GALNTL6: variants seen among roughly 807,000 people sequenced by gnomAD.
The protein encoded by GALNTL6 is polypeptide N-acetylgalactosaminyltransferase like 6, also known as polypeptide N-acetylgalactosaminyltransferase-like 6.
Under a neutral mutation model 73.7 loss-of-function variants are expected in GALNTL6, and 46 were observed. The observed-to-expected ratio is 0.62, with a 90% confidence interval of 0.49 to 0.80. The LOEUF (loss-of-function observed/expected upper bound fraction) is 0.80, where lower values mean the gene tolerates loss of function less well. Among genes scored for constraint, GALNTL6 ranks in the 30% least tolerant of loss-of-function variants. The pLI, the probability that GALNTL6 is intolerant of heterozygous loss-of-function variation, is 0.00. For synonymous variants in GALNTL6, 259 were observed against 263.7 expected (o/e 0.98, Z 0.17); for missense variants, 604 against 755.0 (o/e 0.80, Z 2.34).
intron 2 of GALNTL6, among the ~76,000 whole-genome samples, chr4:171,859,343 C>T (rs1200581522): frequency 6.6e-6 from 1 of 151,992 alleles, no homozygotes; most frequent in Non-Finnish European, 1.5e-5. Flanking sequence ...TTTTTGAACT[C>T]CCAATGATAT....
intron 5 of GALNTL6, among the ~76,000 whole-genome samples, chr4:172,523,355 G>T (rs1734848022): frequency 6.6e-6 from 1 of 151,888 alleles, no homozygotes; most frequent in African/African-American, 2.4e-5. Context: ...TACATTTTTA[G>T]CACTTTATTT....
intron 2 of GALNTL6, among the ~76,000 whole-genome samples, chr4:172,151,619 G>C (rs1734089028): frequency 6.6e-6 from 1 of 152,142 alleles, no homozygotes; most frequent in Non-Finnish European, 1.5e-5. Context: ...ATAGGGACTT[G>C]AAACAATTCA....
chr4:171,814,646 G>T lies in GALNTL6; in HGVS notation c.66G>T (p.Leu22=). ...TGTTCACGGTGGCTTTAATTTTCCT[G>T]CCTAACGTTGGTCTCTGGTCTCTGT... The part of the protein sequence containing the change: ...TLLFTVALIF[L]PNVGLWSLYK... Residue 22 remains leucine, a synonymous_variant, in exon 2 of 13, where the codon CTG becomes CTT. Transcript: ENST00000506823. 1 of 1,614,078 alleles carries T rather than the reference G, an allele frequency of 6.2e-7. No individual in the cohort carries two copies. The highest frequency in any genetic ancestry group is 8.5e-7 in the Non-Finnish European group (1 of 1,179,992).
At chr4:172,536,983 C>A (rs1407216848) in intron 5 of GALNTL6, among the ~76,000 whole-genome samples, 1 of 152,116 alleles carries the variant, frequency 6.6e-6, no homozygotes, top group Admixed American at 6.6e-5. Context: ...GGACTTGTAG[C>A]CCCTTTGTTT....
chr4:172,638,910 T>C (rs1279292014), intron 5 of GALNTL6, among the ~76,000 whole-genome samples: 1 of 152,142 alleles, frequency 6.6e-6, no homozygotes, highest in African/African-American at 2.4e-5. Flanking sequence ...TTGTCAAATG[T>C]CCTTCAATTG....
At chr4:172,055,248 T>G (rs1272505936) in intron 2 of GALNTL6, among the ~76,000 whole-genome samples, 1 of 152,114 alleles carries the variant, frequency 6.6e-6, no homozygotes, top group Non-Finnish European at 1.5e-5. Context: ...CTTTCAGATG[T>G]AGGCAGAAAG....
intron 7 of GALNTL6, among the ~76,000 whole-genome samples, chr4:172,830,979 G>A (rs977806036): frequency 5.3e-5 from 8 of 151,950 alleles, no homozygotes; most frequent in African/African-American, 1.5e-4. Context: ...GACCGACATG[G>A]TGAAACCCTG....
intron 5 of GALNTL6, among the ~76,000 whole-genome samples, chr4:172,519,986 G>A (rs1734724816): frequency 6.6e-6 from 1 of 151,674 alleles, no homozygotes; most frequent in Admixed American, 6.6e-5. Context: ...TAATTATAGT[G>A]CAAACTCATA....
chr4:172,359,282 T>G (rs1223128525), intron 5 of GALNTL6, among the ~76,000 whole-genome samples: 2 of 152,118 alleles, frequency 1.3e-5, no homozygotes, highest in Non-Finnish European at 2.9e-5. Flanking sequence ...AACATAGGAA[T>G]AGAAACCAAA....
At chr4:172,916,997 A>G (rs1747556231) in intron 8 of GALNTL6, among the ~76,000 whole-genome samples, 1 of 152,218 alleles carries the variant, frequency 6.6e-6, no homozygotes, top group Non-Finnish European at 1.5e-5. Flanking sequence ...ACTTCAAACT[A>G]TACTACAAGG....
chr4:172,467,189 A>G (rs1732854811), intron 5 of GALNTL6, among the ~76,000 whole-genome samples: 5 of 152,264 alleles, frequency 3.3e-5, no homozygotes, highest in Admixed American at 3.3e-4. Flanking sequence ...AATTAAAACC[A>G]GCACAATTCA....
intron 2 of GALNTL6, among the ~76,000 whole-genome samples, chr4:172,071,761 C>T (rs1307760735): frequency 6.6e-6 from 1 of 150,464 alleles, no homozygotes. Flanking sequence ...CAAATGCAGG[C>T]GGAAGAGTGG....
At chr4:172,402,474 G>GT (rs1295906631) in intron 5 of GALNTL6, among the ~76,000 whole-genome samples, 1 of 152,054 alleles carries the variant, frequency 6.6e-6, no homozygotes, top group African/African-American at 2.4e-5. Flanking sequence ...ATCCAAAGCA[G>GT]TTAACTGCCA....
At chr4:171,962,130 T>G (rs1312896743) in intron 2 of GALNTL6, among the ~76,000 whole-genome samples, 1 of 152,218 alleles carries the variant, frequency 6.6e-6, no homozygotes, top group Non-Finnish European at 1.5e-5. Context: ...AGGAATATCA[T>G]CGCCCCTATC....
chr4:172,254,703 CAT>C (rs1044654937), intron 3 of GALNTL6, among the ~76,000 whole-genome samples: 5 of 151,684 alleles, frequency 3.3e-5, no homozygotes, highest in Non-Finnish European at 7.4e-5. Context: ...TTTAAACAGA[CAT>C]ACATTTTAGA....
chr4:172,548,002 A>G, intron 5 of GALNTL6, among the ~76,000 whole-genome samples: 1 of 152,180 alleles, frequency 6.6e-6, no homozygotes, highest in East Asian at 1.9e-4. Flanking sequence ...GGAAACTATG[A>G]CTTTGTATGT....
intron 2 of GALNTL6, among the ~76,000 whole-genome samples, chr4:171,906,761 C>A (rs1737294791): frequency 6.6e-6 from 1 of 152,090 alleles, no homozygotes; most frequent in Non-Finnish European, 1.5e-5. Flanking sequence ...TACTGGCAAA[C>A]CGAATCCAGC....
intron 2 of GALNTL6, among the ~76,000 whole-genome samples, chr4:172,024,168 C>G (rs1741485451): frequency 1.3e-5 from 2 of 151,734 alleles, no homozygotes; most frequent in South Asian, 4.1e-4. Flanking sequence ...TCTCTTCTTC[C>G]TCTATGCTTC....
At position 172,631,944 on chromosome 4, in the gene GALNTL6, T is replaced by C. The variant is rs911278593; in HGVS notation, c.554-177417T>C. Among the ~76,000 whole-genome samples the C allele has an allele frequency of 9.2e-5, 14 of 152,166 alleles. No individual in the cohort carries two copies. The East Asian group carries it at 1.3e-3, about 15-fold the overall frequency. On this transcript the variant is annotated intron_variant, in intron 5 of 12. Coordinates refer to ENST00000506823, the MANE Select transcript of GALNTL6 (RefSeq NM_001034845.3). ...TAAATATTTTCAGTACCTAGAAATA[T>C]ATGGTGAATATGTGGTAGTGAATAA... is the stretch of plus-strand genomic sequence containing the variant.
Sources: gnomAD v4.1 joint callset for allele counts (sites outside exome capture counted in the v4.1 genomes callset) on GRCh38, gnomAD v4.1.1 for gene constraint, MANE v1.5 for transcripts, NCBI Gene and HGNC (gene_info 2026-07-23, HGNC 2026-07-21) for gene names.